NT5DC1: variants seen among roughly 807,000 people sequenced by gnomAD.
The protein encoded by NT5DC1 is 5'-nucleotidase domain-containing protein 1.
Under a neutral mutation model 59.4 loss-of-function variants are expected in NT5DC1, and 42 were observed. The ratio of observed to expected loss-of-function variants is 0.71; its 90% CI spans 0.55 to 0.92. The LOEUF is 0.92. Among genes scored for constraint, NT5DC1 ranks in the 40% least tolerant of loss-of-function variants. NT5DC1 has a pLI of 0.00. For missense variants in NT5DC1, 501 were observed against 537.1 expected, an observed-to-expected ratio of 0.93 and a Z score of 0.66; for synonymous variants, 172 against 188.1, an observed-to-expected ratio of 0.91 and a Z score of 0.70.
intron 8 of NT5DC1, among the ~76,000 whole-genome samples, chr6:116,227,349 A>C (rs1392196845): frequency 6.6e-6 from 1 of 152,176 alleles, no homozygotes. Flanking sequence ...TATATATACC[A>C]TATTTTCTTT....
At chr6:116,188,719 T>TTA (rs397764368) in intron 6 of NT5DC1, among the ~76,000 whole-genome samples, 42 of 151,548 alleles carry the variant, frequency 2.8e-4, no homozygotes, top group Non-Finnish European at 5.6e-4. Context: ...TTTTTTTTTT[T>TTA]ACCTGATTAG....
At chr6:116,183,881 T>A (rs1218905143) in intron 6 of NT5DC1, among the ~76,000 whole-genome samples, 1 of 152,098 alleles carries the variant, frequency 6.6e-6, no homozygotes, top group African/African-American at 2.4e-5. Context: ...CCAATTTGGA[T>A]ACCCTTTAGT....
intron 3 of NT5DC1, among the ~76,000 whole-genome samples, chr6:116,110,296 C>T (rs1778847870): frequency 6.6e-6 from 1 of 152,200 alleles, no homozygotes; most frequent in Non-Finnish European, 1.5e-5. Flanking sequence ...TGTTTTTCCA[C>T]ATTTCTCTTC....
intron 6 of NT5DC1, among the ~76,000 whole-genome samples, chr6:116,189,683 A>C (rs1442780441): frequency 6.6e-6 from 1 of 151,928 alleles, no homozygotes; most frequent in Non-Finnish European, 1.5e-5. Context: ...AAATGAGAGT[A>C]AATATTTATA....
intron 6 of NT5DC1, among the ~76,000 whole-genome samples, chr6:116,200,861 A>AT (rs2114509229): frequency 6.6e-6 from 1 of 152,148 alleles, no homozygotes; most frequent in Admixed American, 6.6e-5. Context: ...TTTTCTTCTG[A>AT]GGAAATCCAC....
intron 6 of NT5DC1, among the ~76,000 whole-genome samples, chr6:116,187,904 A>C (rs1466503988): frequency 2.0e-5 from 3 of 152,096 alleles, no homozygotes; most frequent in Non-Finnish European, 4.4e-5. Context: ...AAAATTACTA[A>C]GAACGAAAGG....
intron 6 of NT5DC1, among the ~76,000 whole-genome samples, chr6:116,130,505 A>G (rs1434591574): frequency 6.6e-6 from 1 of 151,966 alleles, no homozygotes; most frequent in South Asian, 2.1e-4. Context: ...GCCCAGATCT[A>G]CAATAAGACA....
At chr6:116,232,805 A>G (rs1256839827) in intron 8 of NT5DC1, among the ~76,000 whole-genome samples, 1 of 152,246 alleles carries the variant, frequency 6.6e-6, no homozygotes, top group East Asian at 1.9e-4. Flanking sequence ...ATGTTCTTAC[A>G]ATAAGAAAAT....
intron 6 of NT5DC1, among the ~76,000 whole-genome samples, chr6:116,145,260 G>A (rs1211054392): frequency 1.3e-5 from 2 of 152,042 alleles, no homozygotes; most frequent in Non-Finnish European, 2.9e-5. Context: ...TTAGAAAGGT[G>A]TGATATGATA....
intron 6 of NT5DC1, among the ~76,000 whole-genome samples, chr6:116,209,211 A>G (rs1262030781): frequency 1.3e-5 from 2 of 152,042 alleles, no homozygotes; most frequent in Admixed American, 1.3e-4. Flanking sequence ...AGTAAATATT[A>G]TAGGCTTTGG....
intron 6 of NT5DC1, among the ~76,000 whole-genome samples, chr6:116,155,363 T>C (rs1482975026): frequency 6.6e-5 from 10 of 152,164 alleles, no homozygotes; most frequent in African/African-American, 2.4e-4. Flanking sequence ...TAGTGGTTTT[T>C]ATTTTTTGGT....
At chr6:116,137,541 A>G (rs1179539548) in intron 6 of NT5DC1, 1 of 213,610 alleles carries the variant, frequency 4.7e-6, no homozygotes, top group Non-Finnish European at 9.9e-6. Context: ...CTCCTCAAAC[A>G]TTACATGGGT....
intron 6 of NT5DC1, chr6:116,121,794 G>T: frequency 6.2e-7 from 1 of 1,613,608 alleles, no homozygotes; most frequent in Non-Finnish European, 8.5e-7. Flanking sequence ...GGCACACCTG[G>T]TTTCCCTACA....
chr6:116,192,535 T>C (rs947960570), intron 6 of NT5DC1, among the ~76,000 whole-genome samples: 2 of 152,098 alleles, frequency 1.3e-5, no homozygotes, highest in African/African-American at 4.8e-5. Flanking sequence ...TAAGTAGGTA[T>C]TGTTTTTAAA....
At chr6:116,127,069 G>A (rs146693712) in intron 6 of NT5DC1, among the ~76,000 whole-genome samples, 4 of 152,138 alleles carry the variant, frequency 2.6e-5, no homozygotes, top group East Asian at 1.9e-4. Flanking sequence ...TAATTTCATC[G>A]TTTTGAATCA....
chr6:116,188,967 A>G (rs1781061880), intron 6 of NT5DC1, among the ~76,000 whole-genome samples: 1 of 151,964 alleles, frequency 6.6e-6, no homozygotes, highest in South Asian at 2.1e-4. Context: ...GATAAATAAA[A>G]CATTATCATT....
In NT5DC1 at chr6:116,223,130, C is replaced by T. The variant is rs760416729; in HGVS notation, c.801C>T (p.Leu267=). 12 of 1,541,388 alleles carry T rather than the reference C, an allele frequency of 7.8e-6. No homozygotes were observed. Among genetic ancestry groups the T allele is most frequent in the Admixed American group, 5.1e-5 (3 of 59,240 alleles). Residue 267 remains leucine (L), a splice_region_variant and synonymous_variant, in exon 8 of 12, where the codon CTC becomes CTT. Transcript: ENST00000319550. Reference sequence around the variant, plus strand: ...CAAGTCAGAGACCTTTCCGGACACTCGGTAAGTTACATTTGGTTTCTTTCT... The same window carrying T: ...CAAGTCAGAGACCTTTCCGGACACTTGGTAAGTTACATTTGGTTTCTTTCT... The part of the protein sequence containing the change: ...HLPSQRPFRT[L]ENDEEQEALP...
At chr6:116,110,551 C>T (rs1278506188) in intron 3 of NT5DC1, among the ~76,000 whole-genome samples, 2 of 152,146 alleles carry the variant, frequency 1.3e-5, no homozygotes, top group South Asian at 2.1e-4. Flanking sequence ...GTATGTTCAT[C>T]TTATTTGTGT....
At chr6:116,148,410 TA>T (rs1779951048) in intron 6 of NT5DC1, among the ~76,000 whole-genome samples, 3 of 152,244 alleles carry the variant, frequency 2.0e-5, no homozygotes, top group African/African-American at 7.2e-5. Flanking sequence ...AAAGATTGTC[TA>T]CTTTTTGGAA....
Sources: allele counts gnomAD v4.1 joint callset (sites outside exome capture counted in the v4.1 genomes callset), GRCh38; gene constraint gnomAD v4.1.1; transcripts MANE v1.5; gene names NCBI Gene and HGNC (gene_info 2026-07-23, HGNC 2026-07-21).